Variants in CSGALNACT1 observed in about 807,000 individuals in gnomAD.
CSGALNACT1 encodes chondroitin sulfate N-acetylgalactosaminyltransferase 1.
Under a neutral mutation model 51.0 loss-of-function variants are expected in CSGALNACT1, and 52 were observed. The observed-to-expected ratio is 1.02, with a 90% CI of 0.82 to 1.29. CSGALNACT1 has a LOEUF of 1.29. Ranked by LOEUF, CSGALNACT1 falls within the 50% of genes most tolerant of loss-of-function variation. The pLI is 0.00. For missense variants in CSGALNACT1, 935 were observed against 679.2 expected, an observed-to-expected ratio of 1.38 and a Z score of -4.19; for synonymous variants, 341 against 254.4, an observed-to-expected ratio of 1.34 and a Z score of -3.24.
At chr8:19,573,135 T>C (rs2043379248) in intron 3 of CSGALNACT1, among the ~76,000 whole-genome samples, 1 of 152,200 alleles carries the variant, frequency 6.6e-6, no homozygotes, top group African/African-American at 2.4e-5. Context: ...AGGTTTTACT[T>C]TGATCTCAAG....
intron 1 of CSGALNACT1, among the ~76,000 whole-genome samples, chr8:19,737,253 G>A (rs576511964): frequency 6.6e-5 from 10 of 152,084 alleles, no homozygotes; most frequent in South Asian, 2.1e-4. Flanking sequence ...AATGTATTTC[G>A]GGAAGTATAT....
rs2059401715 is a variant in CSGALNACT1, at chr8:19,667,030, AGGAAGGAAGG to A, written c.-544+15433_-544+15442del. On this transcript the variant is annotated intron_variant, in intron 1 of 9. Transcript: ENST00000332246. ...AAGAAAGAAAGAAAGGAAGGAAGGA[AGGAAGGAAGG>A]AAGAAAGAAAGAAAGAAAGAAAGAA... Among the ~76,000 whole-genome samples, 9 of 41,300 alleles carry A rather than the reference AGGAAGGAAGG, an allele frequency of 2.2e-4. 1 individual carries two copies. Among genetic ancestry groups the A allele is most frequent in the African/African-American group, 1.2e-3 (7 of 5,740 alleles). The allele number at this position is 41,300 out of a possible 152,430, so 27.1% of individuals were successfully genotyped here.
intron 1 of CSGALNACT1, among the ~76,000 whole-genome samples, chr8:19,715,462 T>C (rs1228580879): frequency 1.3e-5 from 2 of 152,236 alleles, no homozygotes; most frequent in Admixed American, 1.3e-4. Flanking sequence ...CATGACCTCA[T>C]TCCTTTTTAT....
At chr8:19,599,364 G>A (rs761268977) in intron 2 of CSGALNACT1, among the ~76,000 whole-genome samples, 3 of 151,288 alleles carry the variant, frequency 2.0e-5, no homozygotes, top group Non-Finnish European at 4.4e-5. Flanking sequence ...AAGCATGGTG[G>A]CTCACACCTG....
chr8:19,534,495 C>A (rs2083377559), intron 3 of CSGALNACT1, among the ~76,000 whole-genome samples: 1 of 152,020 alleles, frequency 6.6e-6, no homozygotes, highest in Non-Finnish European at 1.5e-5. Flanking sequence ...AATCAAGAAG[C>A]AGATTCCTGG....
At chr8:19,499,526 A>T (rs1283610358) in intron 4 of CSGALNACT1, among the ~76,000 whole-genome samples, 2 of 152,206 alleles carry the variant, frequency 1.3e-5, no homozygotes, top group East Asian at 1.9e-4. Flanking sequence ...AATAAGGATA[A>T]TACAATTGAC....
In CSGALNACT1 at chr8:19,746,880, C is replaced by A. The variant is rs1488314577; in HGVS notation, c.-297+10970G>T. On this transcript the variant is annotated intron_variant, in intron 1 of 1. Transcript: ENST00000517494. ...ACCTTCTTTCCTACACGATGGAGAGCAAGGGCGATACTTGGTGGTTTCACA... is the reference window on the plus strand; with the variant it reads ...ACCTTCTTTCCTACACGATGGAGAGAAAGGGCGATACTTGGTGGTTTCACA... 4.6e-5 allele frequency among the ~76,000 whole-genome samples: 7 copies of A among 152,206 alleles called. 1 individual carries two copies. The highest frequency in any genetic ancestry group is 7.3e-5 in the Non-Finnish European group (5 of 68,034).
chr8:19,459,496 G>C (rs936422566), intron 4 of CSGALNACT1, among the ~76,000 whole-genome samples: 2 of 151,734 alleles, frequency 1.3e-5, no homozygotes, highest in Non-Finnish European at 2.9e-5. Flanking sequence ...CACATGGGTT[G>C]GGGGACCCTC....
intron 4 of CSGALNACT1, 122 bp downstream of exon 3, chr8:19,505,079 T>C (rs1346291193): frequency 5.6e-6 from 6 of 1,064,216 alleles, no homozygotes; most frequent in Non-Finnish European, 8.7e-6. Flanking sequence ...GTCACACACA[T>C]AAAACTTTCC....
chr8:19,502,930 G>C (rs2076662526), intron 4 of CSGALNACT1, among the ~76,000 whole-genome samples: 1 of 150,410 alleles, frequency 6.6e-6, no homozygotes, highest in Non-Finnish European at 1.5e-5. Flanking sequence ...GTTGATGATA[G>C]AATTCTTGTA....
intron 4 of CSGALNACT1, among the ~76,000 whole-genome samples, chr8:19,476,763 T>C (rs1367890266): frequency 1.3e-5 from 2 of 152,164 alleles, no homozygotes; most frequent in East Asian, 1.9e-4. Context: ...CCACACAACA[T>C]GGACAGGATA....
intron 1 of CSGALNACT1, among the ~76,000 whole-genome samples, chr8:19,664,666 TACACAC>T (rs1564378158): frequency 1.4e-5 from 2 of 143,366 alleles, no homozygotes; most frequent in African/African-American, 5.1e-5. Flanking sequence ...CACACACACA[TACACAC>T]ATACACACAT....
intron 4 of CSGALNACT1, among the ~76,000 whole-genome samples, chr8:19,483,304 T>A (rs2071956304): frequency 6.6e-6 from 1 of 152,238 alleles, no homozygotes. Context: ...CTGGTTTCAT[T>A]AAGACAAAGC....
intron 3 of CSGALNACT1, among the ~76,000 whole-genome samples, chr8:19,515,658 G>T (rs1412414189): frequency 6.6e-6 from 1 of 152,160 alleles, no homozygotes; most frequent in African/African-American, 2.4e-5. Flanking sequence ...ATCAGAAAAT[G>T]AAAGCACACT....
At chr8:19,638,773 C>T (rs2957618) in intron 1 of CSGALNACT1, among the ~76,000 whole-genome samples, 39,280 of 151,460 alleles carry the variant, frequency 0.26, 5,398 homozygotes, top group South Asian at 0.33. Context: ...TCATTTGCTC[C>T]CCACCAAGAA....
chr8:19,408,560 C>A (rs564151668), intron 9 of CSGALNACT1, 53 bp downstream of exon 8: 8 of 1,417,020 alleles, frequency 5.6e-6, no homozygotes, highest in Non-Finnish European at 7.9e-6. Context: ...TCCTTCAAGG[C>A]CTACATGGGC....
chr8:19,468,564 C>A (rs1380117791), intron 4 of CSGALNACT1, among the ~76,000 whole-genome samples: 1 of 151,978 alleles, frequency 6.6e-6, no homozygotes, highest in Non-Finnish European at 1.5e-5. Flanking sequence ...GATCAGAGAG[C>A]AACAAGGAAA....
intron 3 of CSGALNACT1, among the ~76,000 whole-genome samples, chr8:19,509,621 CAAAA>C (rs755422032): frequency 0.052 from 2,978 of 56,760 alleles, 87 homozygotes; most frequent in African/African-American, 0.17. Flanking sequence ...GACTCTGTCT[CAAAA>C]AAAAAAAAAA....
intron 3 of CSGALNACT1, among the ~76,000 whole-genome samples, chr8:19,535,963 T>C (rs895467104): frequency 2.0e-5 from 3 of 152,126 alleles, no homozygotes; most frequent in African/African-American, 4.8e-5. Flanking sequence ...GATCTAGTAC[T>C]GGAAGTTCTA....
Sources: allele counts gnomAD v4.1 joint callset (sites outside exome capture counted in the v4.1 genomes callset), GRCh38; gene constraint gnomAD v4.1.1; transcripts MANE v1.5; gene names NCBI Gene and HGNC (gene_info 2026-07-23, HGNC 2026-07-21).